Variants in DTNA observed in about 807,000 individuals in gnomAD.
The protein encoded by DTNA is dystrobrevin alpha, also known as dystrophin-related protein 3.
DTNA carries 43 observed loss-of-function variants against 100.7 expected under a neutral mutation model. The ratio of observed to expected loss-of-function variants is 0.43; its 90% CI spans 0.33 to 0.55. DTNA has a LOEUF of 0.55. DTNA is among the 20% of genes least tolerant of loss of function. DTNA has a pLI of 0.04. For synonymous variants in DTNA, 349 were observed against 347.9 expected (o/e 1.00, Z -0.04); for missense variants, 798 against 953.9 (o/e 0.84, Z 2.15).
rs534062943 is a variant in DTNA, at chr18:34,762,483, CAG to C, written c.68-3476_68-3475del. Reference sequence around the variant, plus strand: ...TTAATCAATGACTCGAATGAAGACACAGAACTAATCCCAAAGTAGGTTTTTGG... The same window carrying C: ...TTAATCAATGACTCGAATGAAGACACAACTAATCCCAAAGTAGGTTTTTGG... On this transcript the variant is annotated intron_variant, in intron 2 of 22. Transcript: ENST00000444659. Among the ~76,000 whole-genome samples the C allele has an allele frequency of 5.2e-3, 785 of 152,260 alleles. 3 individuals are homozygous for C. The highest frequency in any genetic ancestry group is 0.018 in the African/African-American group (760 of 41,542).
intron 1 of DTNA, among the ~76,000 whole-genome samples, chr18:34,501,148 C>A (rs891292106): frequency 1.3e-5 from 2 of 151,722 alleles, no homozygotes; most frequent in Admixed American, 6.6e-5. Flanking sequence ...CCATTTTTTC[C>A]TGAGTTTTAA....
At chr18:34,566,311 A>T (rs2047081466) in intron 1 of DTNA, among the ~76,000 whole-genome samples, 1 of 152,104 alleles carries the variant, frequency 6.6e-6, no homozygotes, top group African/African-American at 2.4e-5. Context: ...GTGTCAGATT[A>T]GGTTAAGCTG....
At chr18:34,619,009 G>A (rs962195399) in intron 1 of DTNA, among the ~76,000 whole-genome samples, 2 of 152,148 alleles carry the variant, frequency 1.3e-5, no homozygotes, top group South Asian at 4.1e-4. Context: ...AGATAAATGC[G>A]ATGAAGGTTG....
At chr18:34,518,647 G>A (rs779609108) in intron 1 of DTNA, among the ~76,000 whole-genome samples, 4 of 145,282 alleles carry the variant, frequency 2.8e-5, no homozygotes, top group Non-Finnish European at 4.5e-5. Context: ...ATGTCCAGTT[G>A]CTCCAACAAA....
At chr18:34,659,633 GACAC>G (rs58171317) in intron 1 of DTNA, among the ~76,000 whole-genome samples, 17,196 of 146,934 alleles carry the variant, frequency 0.12, 1,077 homozygotes, top group Non-Finnish European at 0.14. Flanking sequence ...GACACACACA[GACAC>G]ACACACACAC....
rs1265223426 is a variant in DTNA at position 34,888,591 on chromosome 18, T to C, written c.*857T>C. On this transcript the variant is annotated 3_prime_UTR_variant, in exon 23 of 23. Transcript: ENST00000444659. ...AGCATTCAAATTATATAGAATCTAG[T>C]TTTTAAAATCAGCACAGATCTTCTT... 1.0e-6 allele frequency: 1 copy of C among 985,860 alleles called. No individual in the cohort carries two copies. The highest frequency in any genetic ancestry group is 1.2e-6 in the Non-Finnish European group (1 of 829,906). The allele number at this position is 985,860 out of a possible 1,614,324, so 61.1% of individuals were successfully genotyped here. A position where few individuals can be genotyped will look rare whatever the true frequency, so the allele number is the denominator to read the frequency against.
intron 1 of DTNA, among the ~76,000 whole-genome samples, chr18:34,679,868 T>C (rs1245717800): frequency 6.6e-6 from 1 of 152,182 alleles, no homozygotes; most frequent in Non-Finnish European, 1.5e-5. Flanking sequence ...AAGATTGTCT[T>C]GACCGTCACT....
intron 3 of DTNA, among the ~76,000 whole-genome samples, chr18:34,768,457 G>A (rs1337759664): frequency 6.8e-6 from 1 of 146,304 alleles, no homozygotes; most frequent in East Asian, 1.9e-4. Context: ...CAACATTAAA[G>A]TGGACACACT....
At chr18:34,599,486 A>G (rs569641131) in intron 1 of DTNA, among the ~76,000 whole-genome samples, 43 of 152,088 alleles carry the variant, frequency 2.8e-4, no homozygotes, top group Non-Finnish European at 4.1e-4. Context: ...CACCCCCTTC[A>G]CCGGACACTG....
In DTNA at chr18:34,848,317, G is replaced by A. The variant is rs1332308451; in HGVS notation, c.1368G>A (p.Arg456=). The A allele has an allele frequency of 6.2e-7, 1 of 1,614,008 alleles. No individual in the cohort carries two copies. Among genetic ancestry groups the A allele is most frequent in the South Asian group, 1.1e-5 (1 of 91,084 alleles). The change falls in exon 14 of 23, where the codon CGG becomes CGA. Residue 456 remains arginine (R), a synonymous_variant. Coordinates refer to ENST00000444659, the MANE Select transcript of DTNA (RefSeq NM_001386795.1). ...NPSCMLESSN[R]LDEEHRLIAR... The stretch of plus-strand genomic sequence containing the variant: ...ATAGCATGCTTGAGAGTTCAAACCG[G>A]CTTGATGAAGAACACAGGCTAATTG...
At position 34,821,568 on chromosome 18, in the gene DTNA, C is replaced by T. The variant is rs865920619; in HGVS notation, c.1001+653C>T. ...AGAAGTTTCATGCCTTTGAACCTCT[C>T]TCAGGCCTGGGTGGCCAAGATAACA... On this transcript the variant is annotated intron_variant, in intron 9 of 22. Coordinates refer to ENST00000444659, the MANE Select transcript of DTNA (RefSeq NM_001386795.1). 1.3e-5 allele frequency: 6 copies of T among 454,604 alleles called. No homozygotes were observed. The Middle Eastern group carries it at 1.6e-3, about 124-fold the overall frequency. The allele number at this position is 454,604 out of a possible 1,614,324, so 28.2% of individuals were successfully genotyped here.
chr18:34,665,816 C>G (rs1270661192), intron 1 of DTNA, among the ~76,000 whole-genome samples: 1 of 152,212 alleles, frequency 6.6e-6, no homozygotes, highest in Non-Finnish European at 1.5e-5. Context: ...TTAATCCAGT[C>G]TATCACTGTT....
At chr18:34,865,091 A>G (rs1042385210) in intron 17 of DTNA, among the ~76,000 whole-genome samples, 4 of 152,232 alleles carry the variant, frequency 2.6e-5, no homozygotes, top group African/African-American at 9.6e-5. Flanking sequence ...GAACTGTGAC[A>G]TGTCAAAGGC....
At chr18:34,654,323 C>T (rs888322064) in intron 1 of DTNA, among the ~76,000 whole-genome samples, 3 of 152,210 alleles carry the variant, frequency 2.0e-5, no homozygotes, top group East Asian at 1.9e-4. Context: ...TAATAATCCT[C>T]GAGCAGTTAC....
chr18:34,831,775 A>G (rs1252063748), intron 11 of DTNA, among the ~76,000 whole-genome samples: 1 of 152,228 alleles, frequency 6.6e-6, no homozygotes, highest in African/African-American at 2.4e-5. Flanking sequence ...TCTCAAAAAA[A>G]TAAAAAATGA....
intron 1 of DTNA, among the ~76,000 whole-genome samples, chr18:34,613,252 C>A (rs2054579050): frequency 6.6e-6 from 1 of 152,194 alleles, no homozygotes; most frequent in African/African-American, 2.4e-5. Flanking sequence ...GCTCCACTGA[C>A]CAGCCATTCC....
At chr18:34,649,282 T>C (rs1422579406) in intron 1 of DTNA, among the ~76,000 whole-genome samples, 1 of 152,226 alleles carries the variant, frequency 6.6e-6, no homozygotes, top group Non-Finnish European at 1.5e-5. Flanking sequence ...GCTTTTAAGA[T>C]GACGTGCACA....
intron 20 of DTNA, among the ~76,000 whole-genome samples, chr18:34,880,507 T>C (rs2096862242): frequency 6.6e-6 from 1 of 152,204 alleles, no homozygotes; most frequent in African/African-American, 2.4e-5. Flanking sequence ...GGGCAAAGGC[T>C]GACCCAAAAG....
At chr18:34,593,305 G>T (rs1305763501) in intron 1 of DTNA, 1 of 152,206 alleles carries the variant, frequency 6.6e-6, no homozygotes, top group Non-Finnish European at 1.5e-5. Flanking sequence ...TCAATGGAAT[G>T]TGAAACCAAA....
Sources: gnomAD v4.1 joint callset for allele counts (sites outside exome capture counted in the v4.1 genomes callset) on GRCh38, gnomAD v4.1.1 for gene constraint, MANE v1.5 for transcripts, NCBI Gene and HGNC (gene_info 2026-07-23, HGNC 2026-07-21) for gene names.